CLEC12A: variants seen among roughly 807,000 people sequenced by gnomAD.
CLEC12A encodes the protein C-type lectin domain family 12 member A.
A neutral mutation model predicts 26.5 loss-of-function variants in CLEC12A; 22 were observed. The observed-to-expected ratio is 0.83, with a 90% CI of 0.59 to 1.19. The LOEUF (loss-of-function observed/expected upper bound fraction) is 1.19. CLEC12A is among the 50% of genes most tolerant of loss of function. CLEC12A has a pLI of 0.00. For missense variants in CLEC12A, 353 were observed against 315.6 expected, an observed-to-expected ratio of 1.12 and a Z score of -0.90; for synonymous variants, 119 against 101.9, an observed-to-expected ratio of 1.17 and a Z score of -1.01.
Position 9,985,202 on chromosome 12 carries a change from C to A in CLEC12A, c.*176C>A. 1 of 616,114 alleles carries A rather than the reference C, an allele frequency of 1.6e-6. No individual in the cohort carries two copies. The highest frequency in any genetic ancestry group is 2.4e-6 in the Non-Finnish European group (1 of 415,646). 38.2% of individuals were successfully genotyped at this position (616,114 alleles called of 1,614,324 possible). On this transcript the variant is annotated 3_prime_UTR_variant, in exon 6 of 6. Transcript: ENST00000304361. ...AGAGAATAGACTGTGAATGTTAATGCCAGAGAGGTATAATGAAGCATGTCC... is the reference window on the plus strand; with the variant it reads ...AGAGAATAGACTGTGAATGTTAATGACAGAGAGGTATAATGAAGCATGTCC...
intron 1 of CLEC12A, among the ~76,000 whole-genome samples, chr12:9,974,765 T>TC (rs1002491516): frequency 1.3e-5 from 2 of 152,156 alleles, no homozygotes; most frequent in African/African-American, 2.4e-5. Context: ...TAAATAATTT[T>TC]CCCGAGGTTT....
chr12:9,951,269 T>A (rs1863603993), upstream of CLEC12A: 1 of 701,876 alleles, frequency 1.4e-6, no homozygotes, highest in South Asian at 1.5e-5. Context: ...TTAGTCTTTC[T>A]ATTTAGCATT....
intron 4 of CLEC12A, 32 bp downstream of exon 4, chr12:9,980,765 T>C (rs1325723667): frequency 1.9e-6 from 3 of 1,607,388 alleles, no homozygotes; most frequent in South Asian, 1.1e-5. Flanking sequence ...CATCATGGGA[T>C]AGAGAGGGGT....
chr12:9,994,855 A>T (rs923836412), intron 4 of CLEC12A, among the ~76,000 whole-genome samples: 35 of 151,790 alleles, frequency 2.3e-4, no homozygotes, highest in Non-Finnish European at 4.0e-4. Flanking sequence ...ACACACTCAC[A>T]CATACACATA....
At chr12:9,953,181 T>G (rs1422120828) in intron 1 of CLEC12A, 9 of 82,186 alleles carry the variant, frequency 1.1e-4, no homozygotes, top group African/African-American at 1.5e-4. Flanking sequence ...GGGAGGGAGG[T>G]GGGGGGGTCA....
chr12:9,961,047 A>G (rs1184724789), intron 1 of CLEC12A, among the ~76,000 whole-genome samples: 1 of 152,202 alleles, frequency 6.6e-6, no homozygotes, highest in Non-Finnish European at 1.5e-5. Context: ...TTGGTTTTGT[A>G]CATTTTAGGG....
downstream of CLEC12A, chr12:9,996,655 T>G (rs2137240781): frequency 1.4e-6 from 1 of 703,002 alleles, no homozygotes; most frequent in East Asian, 2.7e-5. Flanking sequence ...ATCAACTCTA[T>G]CAGTGTTGTA....
chr12:9,958,973 C>T (rs189194831), intron 1 of CLEC12A, among the ~76,000 whole-genome samples: 28 of 152,110 alleles, frequency 1.8e-4, no homozygotes, highest in Non-Finnish European at 2.8e-4. Flanking sequence ...AGACATATAA[C>T]TTAGAAGGTA....
intron 1 of CLEC12A, among the ~76,000 whole-genome samples, chr12:9,964,990 C>G (rs1354143480): frequency 6.6e-6 from 1 of 151,946 alleles, no homozygotes; most frequent in African/African-American, 2.4e-5. Context: ...TTGTCAGAGA[C>G]TTAACAAAAA....
downstream of CLEC12A, among the ~76,000 whole-genome samples, chr12:9,999,527 A>C (rs1182952884): frequency 1.3e-5 from 2 of 152,244 alleles, no homozygotes; most frequent in Non-Finnish European, 2.9e-5. Flanking sequence ...GCTCACCAGC[A>C]GATATATAGT....
At chr12:9,966,114 A>T (rs2594085) in intron 1 of CLEC12A, among the ~76,000 whole-genome samples, 3 of 152,034 alleles carry the variant, frequency 2.0e-5, no homozygotes, top group African/African-American at 7.3e-5. Context: ...AAGTTGGCAC[A>T]AGAGTTGGGG....
chr12:9,978,731 A>G (rs899698927), intron 1 of CLEC12A, among the ~76,000 whole-genome samples: 5 of 152,200 alleles, frequency 3.3e-5, no homozygotes, highest in African/African-American at 4.8e-5. Flanking sequence ...CTACCAGTTA[A>G]CAGCTTCTCC....
At chr12:9,973,271 G>A (rs1864199189) in intron 1 of CLEC12A, among the ~76,000 whole-genome samples, 1 of 151,942 alleles carries the variant, frequency 6.6e-6, no homozygotes, top group Admixed American at 6.6e-5. Context: ...GACCAGCCTG[G>A]GGAAAGTAGA....
downstream of CLEC12A, chr12:9,996,858 G>A (rs749609263): frequency 6.2e-7 from 1 of 1,613,828 alleles, no homozygotes; most frequent in African/African-American, 1.3e-5. Flanking sequence ...CAATGTTCCG[G>A]TTGTCAATCT....
intron 4 of CLEC12A, chr12:9,993,276 A>G (rs780560552): frequency 1.4e-5 from 22 of 1,612,358 alleles, no homozygotes; most frequent in Non-Finnish European, 1.4e-5. Flanking sequence ...TCCATCTTCC[A>G]AAAACTCAAA....
intron 1 of CLEC12A, 78 bp downstream of exon 1, chr12:9,971,765 A>G (rs1315891360): frequency 1.6e-6 from 2 of 1,226,150 alleles, no homozygotes; most frequent in Non-Finnish European, 2.2e-6. Flanking sequence ...AATATTAGTG[A>G]TATAGTTACT....
chr12:9,981,935 C>G (rs1347651710), intron 4 of CLEC12A, 85 bp from the exon 5 acceptor site: 1 of 671,298 alleles, frequency 1.5e-6, no homozygotes, highest in Non-Finnish European at 2.5e-6. Context: ...TACCTTAAAA[C>G]AGCAATTTGT....
At chr12:9,965,712 A>G (rs555401675) in intron 1 of CLEC12A, among the ~76,000 whole-genome samples, 3 of 152,068 alleles carry the variant, frequency 2.0e-5, no homozygotes, top group South Asian at 2.1e-4. Flanking sequence ...GGACAGGTAA[A>G]ATGGGGGAAT....
downstream of CLEC12A, among the ~76,000 whole-genome samples, chr12:9,987,944 G>A (rs1044911842): frequency 1.2e-4 from 19 of 152,068 alleles, no homozygotes; most frequent in Admixed American, 6.6e-5. Flanking sequence ...AACTAGCTGG[G>A]ATTACAGGTG....
Sources: gnomAD v4.1 joint callset for allele counts (sites outside exome capture counted in the v4.1 genomes callset) on GRCh38, gnomAD v4.1.1 for gene constraint, MANE v1.5 for transcripts, NCBI Gene and HGNC (gene_info 2026-07-23, HGNC 2026-07-21) for gene names.